RBFOX3: variants seen among roughly 807,000 people sequenced by gnomAD.
RBFOX3 encodes RNA binding fox-1 homolog 3.
Under a neutral mutation model 48.7 loss-of-function variants are expected in RBFOX3, and 17 were observed. The ratio of observed to expected loss-of-function variants is 0.35; its 90% CI spans 0.24 to 0.52. The LOEUF is 0.52. RBFOX3 is among the 20% of genes least tolerant of loss of function. The pLI is 0.94. For synonymous variants in RBFOX3, 212 were observed against 209.5 expected, an observed-to-expected ratio of 1.01 and a Z score of -0.10; for missense variants, 382 against 497.5, an observed-to-expected ratio of 0.77 and a Z score of 2.21.
chr17:79,177,217 C>G (rs980603620), intron 4 of RBFOX3, among the ~76,000 whole-genome samples: 6 of 152,154 alleles, frequency 3.9e-5, no homozygotes, highest in South Asian at 2.1e-4. Context: ...TCTCCCCCCC[C>G]GCCCTCTCCC....
At chr17:79,533,040 G>T (rs953876899) in intron 1 of RBFOX3, among the ~76,000 whole-genome samples, 1 of 152,266 alleles carries the variant, frequency 6.6e-6, no homozygotes, top group Non-Finnish European at 1.5e-5. Context: ...TGTCTCAAGT[G>T]CCAGGCAAGG....
rs981631462 is a variant in RBFOX3 at position 79,212,289 on chromosome 17, G to A, written c.-34+23477C>T. On this transcript the variant is annotated intron_variant, in intron 4 of 14. Coordinates refer to ENST00000693108, the MANE Select transcript of RBFOX3 (RefSeq NM_001350451.2). This position sits in a 1 kb window ranked among gnomAD's most constrained non-coding sequence, Gnocchi z 4.7. ...GCTGGGGCTGGGGCAGGGCTGCTCCGCCTGGGCTCCTACGTGACTCCTTTC... is the reference window on the plus strand; with the variant it reads ...GCTGGGGCTGGGGCAGGGCTGCTCCACCTGGGCTCCTACGTGACTCCTTTC... 1.2e-4 allele frequency among the ~76,000 whole-genome samples: 18 copies of A among 152,114 alleles called. No homozygotes were observed. Among genetic ancestry groups the A allele is most frequent in the Non-Finnish European group, 1.9e-4 (13 of 68,006 alleles).
Position 79,547,123 on chromosome 17 carries a change from G to T in RBFOX3, c.-320+63703C>A, listed in dbSNP as rs528056056. ...CAATTACCTTGGGGCACCTGAGTCT[G>T]CCCTGGGGTTCAGAGATAAAAGCAT... On this transcript the variant is annotated intron_variant, in intron 1 of 14. Coordinates refer to ENST00000693108, the MANE Select transcript of RBFOX3 (RefSeq NM_001350451.2). Among the ~76,000 whole-genome samples, 3 of 152,278 alleles carry T rather than the reference G, an allele frequency of 2.0e-5. No homozygotes were observed. The South Asian group carries it at 6.2e-4, about 32-fold the overall frequency.
At chr17:79,609,987 T>C (rs1342745441) in intron 1 of RBFOX3, among the ~76,000 whole-genome samples, 2 of 152,012 alleles carry the variant, frequency 1.3e-5, no homozygotes, top group Non-Finnish European at 2.9e-5. Flanking sequence ...CCGGCCGCGC[T>C]GCTCGAGGCC....
intron 2 of RBFOX3, among the ~76,000 whole-genome samples, chr17:79,399,269 G>T: frequency 6.6e-6 from 1 of 152,224 alleles, no homozygotes; most frequent in Admixed American, 6.5e-5. Context: ...CACAGGAAAT[G>T]CGTACCGTGG....
chr17:79,178,156 T>C lies in RBFOX3; in HGVS notation c.-34+57610A>G, dbSNP rs546919180. Among the ~76,000 whole-genome samples, 37 of 152,308 alleles carry C rather than the reference T, an allele frequency of 2.4e-4. 1 individual carries two copies. The South Asian group carries it at 7.5e-3, about 31-fold the overall frequency. On this transcript the variant is annotated intron_variant, in intron 4 of 14. Coordinates refer to ENST00000693108, the MANE Select transcript of RBFOX3 (RefSeq NM_001350451.2). ...CCGCCACGTCCACCAGCCATGCTTA[T>C]CCTGTGTCCAGCCAGCCAGAGCTCC...
chr17:79,618,814 C>G, the RBFOX3 span, among the ~76,000 whole-genome samples: 3 of 152,166 alleles, frequency 2.0e-5, 1 homozygote, highest in African/African-American at 7.2e-5. Context: ...TCTCAATATC[C>G]TGCATCTCCC....
rs9911046 is a variant in RBFOX3, at chr17:79,391,400, G to A, written c.-174-83576C>T. Among the ~76,000 whole-genome samples the A allele has an allele frequency of 0.2, 30,286 of 152,004 alleles. 3,189 individuals carry two copies. The highest frequency in any genetic ancestry group is 0.23 in the Non-Finnish European group (15,748 of 67,950). Reference sequence around the variant, plus strand: ...TCCTTCCCACGATTGGTGAACACTCGGGCAGGTTACCTAACTTCTCTGAGC... The same window carrying A: ...TCCTTCCCACGATTGGTGAACACTCAGGCAGGTTACCTAACTTCTCTGAGC... On this transcript the variant is annotated intron_variant, in intron 2 of 14. Coordinates refer to ENST00000693108, the MANE Select transcript of RBFOX3 (RefSeq NM_001350451.2). The surrounding 1 kb of genome is among the most constrained non-coding windows in gnomAD (Gnocchi z 5.0).
chr17:79,145,871 C>A (rs2042934017), intron 4 of RBFOX3, among the ~76,000 whole-genome samples: 1 of 152,144 alleles, frequency 6.6e-6, no homozygotes. Context: ...CTTTTTGGTA[C>A]CAGGGACTGG....
At chr17:79,181,477 G>A (rs956006072) in intron 4 of RBFOX3, among the ~76,000 whole-genome samples, 1 of 152,226 alleles carries the variant, frequency 6.6e-6, no homozygotes, top group African/African-American at 2.4e-5. Flanking sequence ...TTAGGGCAAT[G>A]GCCATGGCCT....
intron 4 of RBFOX3, among the ~76,000 whole-genome samples, chr17:79,120,654 A>G (rs2147153940): frequency 9.3e-6 from 1 of 107,266 alleles, no homozygotes; most frequent in African/African-American, 3.6e-5. Flanking sequence ...GGGTGTGTGG[A>G]TGCACGGATG....
intron 4 of RBFOX3, among the ~76,000 whole-genome samples, chr17:79,150,524 G>A (rs767404737): frequency 1.3e-5 from 2 of 152,114 alleles, no homozygotes; most frequent in African/African-American, 4.8e-5. Context: ...CTGAACTGCC[G>A]GACACTCTAC....
the RBFOX3 span, among the ~76,000 whole-genome samples, chr17:79,633,736 G>C: frequency 2.6e-5 from 4 of 152,144 alleles, no homozygotes; most frequent in Non-Finnish European, 5.9e-5. Context: ...GTGAGGCATC[G>C]GAGGCTGCTC....
At chr17:79,637,207 G>A in the RBFOX3 span, among the ~76,000 whole-genome samples, 1 of 152,112 alleles carries the variant, frequency 6.6e-6, no homozygotes, top group African/African-American at 2.4e-5. Context: ...ACAGTAGTAG[G>A]GGACTTTAAT....
chr17:79,167,055 CG>C (rs2145565757), intron 4 of RBFOX3, among the ~76,000 whole-genome samples: 1 of 152,318 alleles, frequency 6.6e-6, no homozygotes, highest in Admixed American at 6.5e-5. Context: ...CCCGGCAAGG[CG>C]GGCACGTCAC....
chr17:79,656,770 G>GAGAGAGAGAGAGAGACAGA, the RBFOX3 span, among the ~76,000 whole-genome samples: 4,272 of 29,818 alleles, frequency 0.14, 174 homozygotes, highest in Non-Finnish European at 0.19. Context: ...AGGAAGGAAG[G>GAGAGAGAGAGAGAGACAGA]AAGGAAGGAA....
At chr17:79,384,723 G>A (rs148019387) in intron 2 of RBFOX3, among the ~76,000 whole-genome samples, 3 of 152,330 alleles carry the variant, frequency 2.0e-5, no homozygotes, top group South Asian at 2.1e-4. Flanking sequence ...ATACACCAGC[G>A]CTGACCCAGC....
chr17:79,339,360 T>A (rs1046263561), intron 2 of RBFOX3, among the ~76,000 whole-genome samples: 4 of 152,176 alleles, frequency 2.6e-5, no homozygotes, highest in African/African-American at 9.7e-5. Flanking sequence ...CCAGCATTGA[T>A]TCTTAGTCGC....
Position 79,338,848 on chromosome 17 carries a change from C to T in RBFOX3, c.-174-31024G>A, listed in dbSNP as rs2081596920. ...CAAATAAAGAGCTAGCTCAAACTTG[C>T]TTGGCCCTGTTTCTACTCTTCCTTC... On this transcript the variant is annotated intron_variant, in intron 2 of 14. Coordinates refer to ENST00000693108, the MANE Select transcript of RBFOX3 (RefSeq NM_001350451.2). 3.9e-5 allele frequency among the ~76,000 whole-genome samples: 6 copies of T among 152,288 alleles called. No individual in the cohort carries two copies. In the South Asian group the frequency reaches 1.2e-3, roughly 32 times the overall value.
Sources: allele counts gnomAD v4.1 joint callset (sites outside exome capture counted in the v4.1 genomes callset), GRCh38; gene constraint gnomAD v4.1.1; non-coding constraint Gnocchi (gnomAD v3.1); transcripts MANE v1.5; gene names NCBI Gene and HGNC (gene_info 2026-07-23, HGNC 2026-07-21).